Variants in CRB1 observed in about 807,000 individuals in gnomAD.
CRB1 encodes crumbs cell polarity complex component 1.
Under a neutral mutation model 120.0 loss-of-function variants are expected in CRB1, and 83 were observed. That is an observed-to-expected ratio of 0.69 (90% CI 0.58 to 0.83). The LOEUF is 0.83. CRB1 is among the 40% of genes least tolerant of loss of function. The pLI is 0.00. For missense variants in CRB1, 1,699 were observed against 1,687.6 expected (o/e 1.01, Z -0.12); for synonymous variants, 625 against 612.5 (o/e 1.02, Z -0.30).
chr1:197,275,060 G>T (rs568911484), intron 1 of CRB1, among the ~76,000 whole-genome samples: 7 of 151,844 alleles, frequency 4.6e-5, no homozygotes, highest in Admixed American at 4.6e-4. Flanking sequence ...TCAGTCCCGG[G>T]TGTTTCTTAG....
rs183711116 is a variant in CRB1 at position 197,279,750 on chromosome 1, C to A, written c.70+11268C>A. ...GCAATTGTGTCCATGTAGAGGGACT[C>A]AATGTCAATAGTGAAAGCAGCCCAC... On this transcript the variant is annotated intron_variant, in intron 1 of 11. Coordinates refer to ENST00000367400, the MANE Select transcript of CRB1 (RefSeq NM_201253.3). Among the ~76,000 whole-genome samples, 5 of 151,536 alleles carry A rather than the reference C, an allele frequency of 3.3e-5. No individual in the cohort carries two copies. In the East Asian group the frequency reaches 9.8e-4, roughly 30 times the overall value.
chr1:197,235,854 G>C, the CRB1 span, among the ~76,000 whole-genome samples: 1 of 152,226 alleles, frequency 6.6e-6, no homozygotes, highest in Middle Eastern at 3.4e-3. Flanking sequence ...TTGAGAAAAT[G>C]GGTATTCGTG....
At chr1:197,207,203 G>A in the CRB1 span, among the ~76,000 whole-genome samples, 4 of 150,684 alleles carry the variant, frequency 2.7e-5, no homozygotes, top group Admixed American at 6.6e-5. Context: ...CATTTTGGCC[G>A]TTTACATTCA....
intron 1 of CRB1, 26 bp from the exon 2 acceptor site, chr1:197,328,396 T>G (rs755234058): frequency 6.4e-6 from 10 of 1,556,898 alleles, no homozygotes; most frequent in South Asian, 5.6e-5. Flanking sequence ...ATAAATTTAA[T>G]CTTGTTACTT....
intron 1 of CRB1, among the ~76,000 whole-genome samples, chr1:197,317,914 C>G (rs1657950869): frequency 6.6e-6 from 1 of 151,668 alleles, no homozygotes; most frequent in Admixed American, 6.6e-5. Flanking sequence ...AGGGGAAAAG[C>G]TCTGTGACAT....
At chr1:197,338,278 A>G (rs1659268055) in intron 2 of CRB1, among the ~76,000 whole-genome samples, 1 of 152,256 alleles carries the variant, frequency 6.6e-6, no homozygotes, top group African/African-American at 2.4e-5. Context: ...GGAAAATAAT[A>G]TATTACTATC....
chr1:197,457,705 A>G (rs1238004586), intron 11 of CRB1, among the ~76,000 whole-genome samples: 1 of 152,210 alleles, frequency 6.6e-6, no homozygotes, highest in Non-Finnish European at 1.5e-5. Context: ...AGCTTCGTGC[A>G]GAAGATATTT....
chr1:197,420,944 A>T (rs1283124796), intron 5 of CRB1, 56 bp from the exon 6 acceptor site: 1 of 1,139,468 alleles, frequency 8.8e-7, no homozygotes, highest in Non-Finnish European at 1.3e-6. Context: ...ATTACGTGAA[A>T]CTTCTATTTT....
chr1:197,461,983 A>T (rs910582722), intron 11 of CRB1, among the ~76,000 whole-genome samples: 2 of 152,168 alleles, frequency 1.3e-5, no homozygotes. Context: ...GTACATAAAG[A>T]CAAAAGCACA....
intron 11 of CRB1, among the ~76,000 whole-genome samples, chr1:197,463,910 A>G (rs1415983770): frequency 6.6e-6 from 1 of 152,206 alleles, no homozygotes; most frequent in Non-Finnish European, 1.5e-5. Context: ...TTGTCATAGA[A>G]TTAATCTATT....
At chr1:197,239,294 A>C in the CRB1 span, among the ~76,000 whole-genome samples, 1 of 152,090 alleles carries the variant, frequency 6.6e-6, no homozygotes, top group African/African-American at 2.4e-5. Flanking sequence ...TTTGTATCAA[A>C]TTTTGATATT....
intron 2 of CRB1, among the ~76,000 whole-genome samples, chr1:197,340,890 A>G (rs142755204): frequency 6.6e-6 from 1 of 152,276 alleles, no homozygotes; most frequent in African/African-American, 2.4e-5. Context: ...TATTTAGGAA[A>G]AAGGTTTAAT....
chr1:197,297,540 A>G (rs769878021), intron 1 of CRB1, among the ~76,000 whole-genome samples: 4 of 152,040 alleles, frequency 2.6e-5, no homozygotes, highest in Admixed American at 6.6e-5. Flanking sequence ...TAGCGTTGCT[A>G]TGTTTGCAAG....
chr1:197,367,867 C>A (rs960444962), intron 5 of CRB1, among the ~76,000 whole-genome samples: 1 of 152,172 alleles, frequency 6.6e-6, no homozygotes, highest in Non-Finnish European at 1.5e-5. Context: ...GGCTTCAAAC[C>A]TCGGGCAAAA....
chr1:197,275,653 C>T (rs1203779076), intron 1 of CRB1, among the ~76,000 whole-genome samples: 1 of 151,976 alleles, frequency 6.6e-6, no homozygotes, highest in Non-Finnish European at 1.5e-5. Flanking sequence ...AGAGTCTGAT[C>T]AATATGTAAA....
chr1:197,301,224 G>A (rs923245582), intron 1 of CRB1, among the ~76,000 whole-genome samples: 38 of 151,576 alleles, frequency 2.5e-4, no homozygotes, highest in Admixed American at 1.1e-3. Flanking sequence ...GGAGTGCAGT[G>A]GCGCGACCTC....
At chr1:197,359,556 CATT>C (rs1320402650) in intron 5 of CRB1, among the ~76,000 whole-genome samples, 2 of 152,086 alleles carry the variant, frequency 1.3e-5, no homozygotes, top group Admixed American at 1.3e-4. Flanking sequence ...CTGCTAGAAA[CATT>C]GTTGTACAGG....
chr1:197,224,660 T>C, the CRB1 span, among the ~76,000 whole-genome samples: 1 of 152,174 alleles, frequency 6.6e-6, no homozygotes, highest in African/African-American at 2.4e-5. Flanking sequence ...GGATACCATA[T>C]ATGACTTTCT....
At chr1:197,298,807 C>T (rs1400993459) in intron 1 of CRB1, among the ~76,000 whole-genome samples, 4 of 151,714 alleles carry the variant, frequency 2.6e-5, no homozygotes, top group Non-Finnish European at 5.9e-5. Context: ...ATTTTTTTGC[C>T]CAATTATTTA....
Sources: allele counts gnomAD v4.1 joint callset (sites outside exome capture counted in the v4.1 genomes callset), GRCh38; gene constraint gnomAD v4.1.1; transcripts MANE v1.5; gene names NCBI Gene and HGNC (gene_info 2026-07-23, HGNC 2026-07-21).